IL1RAPL1: variants seen among roughly 807,000 people sequenced by gnomAD.
IL1RAPL1 encodes the protein interleukin 1 receptor accessory protein like 1.
A neutral mutation model predicts 48.4 loss-of-function variants in IL1RAPL1; 3 were observed. The ratio of observed to expected loss-of-function variants is 0.06; its 90% confidence interval spans 0.03 to 0.16. The LOEUF (loss-of-function observed/expected upper bound fraction) is 0.16. Ranked by LOEUF, IL1RAPL1 falls within the 10% of genes least tolerant of loss-of-function variation. The pLI is 1.00. For synonymous variants in IL1RAPL1, 185 were observed against 187.7 expected, an observed-to-expected ratio of 0.99 and a Z score of 0.12; for missense variants, 349 against 530.6, an observed-to-expected ratio of 0.66 and a Z score of 3.36.
At chrX:29,461,170 A>G (rs1934798065) in intron 5 of IL1RAPL1, among the ~76,000 whole-genome samples, 1 of 111,765 alleles carries the variant, frequency 8.9e-6, no homozygotes, top group South Asian at 3.7e-4. Flanking sequence ...CAACAAGCAC[A>G]TAAAAAGTTA....
chrX:29,333,845 G>A (rs1932927356), intron 3 of IL1RAPL1, among the ~76,000 whole-genome samples: 1 of 88,252 alleles, frequency 1.1e-5, no homozygotes, highest in Non-Finnish European at 2.3e-5. Flanking sequence ...GCCGGGCAGA[G>A]GGGCTCCTCA....
intron 2 of IL1RAPL1, among the ~76,000 whole-genome samples, chrX:29,177,392 G>C (rs1222607649): frequency 9.0e-6 from 1 of 111,432 alleles, no homozygotes; most frequent in Admixed American, 9.5e-5. Context: ...AAATTCGATT[G>C]CTGTCTCCAG....
chrX:29,654,052 G>T (rs1251419300), intron 5 of IL1RAPL1, among the ~76,000 whole-genome samples: 1 of 109,211 alleles, frequency 9.2e-6, no homozygotes, highest in Non-Finnish European at 1.9e-5. Flanking sequence ...ATTGAGGGAG[G>T]ATGAGAGGAA....
intron 5 of IL1RAPL1, among the ~76,000 whole-genome samples, chrX:29,464,774 T>TCA (rs1934843290): frequency 8.9e-6 from 1 of 112,139 alleles, no homozygotes; most frequent in South Asian, 3.7e-4. Context: ...ATATTGTCCT[T>TCA]TGTAGCAGCA....
Position 29,956,232 on chromosome X carries a change from G to A in IL1RAPL1, c.*412G>A. The A allele has an allele frequency of 6.9e-6, 1 of 145,125 alleles. No homozygotes were observed. The allele number at this position is 145,125 out of a possible 1,213,427, so 12.0% of individuals were successfully genotyped here. On this transcript the variant is annotated 3_prime_UTR_variant, in exon 11 of 11. Coordinates refer to ENST00000378993, the MANE Select transcript of IL1RAPL1 (RefSeq NM_014271.4). ...GGACAAATCTATCCGATGGGACAAG[G>A]AGCACCGGATTCTTTCTCGGGTTCT...
chrX:28,759,235 T>G (rs760168655), intron 1 of IL1RAPL1, among the ~76,000 whole-genome samples: 2 of 67,865 alleles, frequency 2.9e-5, no homozygotes, highest in African/African-American at 1.0e-4. Context: ...TGAAACTCCA[T>G]CTCAAAAAAA....
chrX:29,029,141 T>C (rs2147407787), intron 2 of IL1RAPL1, among the ~76,000 whole-genome samples: 1 of 111,073 alleles, frequency 9.0e-6, no homozygotes, highest in South Asian at 3.8e-4. Flanking sequence ...AGAACTCACT[T>C]ACTACTGCAA....
chrX:28,684,243 C>T (rs375596526), intron 1 of IL1RAPL1, among the ~76,000 whole-genome samples: 4 of 111,639 alleles, frequency 3.6e-5, no homozygotes, highest in African/African-American at 9.8e-5. Flanking sequence ...TCATTGTTGC[C>T]CTTTTCACAG....
At chrX:29,549,223 C>T (rs1460836586) in intron 5 of IL1RAPL1, among the ~76,000 whole-genome samples, 2 of 111,658 alleles carry the variant, frequency 1.8e-5, no homozygotes, top group Non-Finnish European at 3.8e-5. Context: ...TTGTGAGTAG[C>T]ATGATAAAAT....
At chrX:29,803,503 A>G (rs1386725463) in intron 6 of IL1RAPL1, among the ~76,000 whole-genome samples, 9 of 93,147 alleles carry the variant, frequency 9.7e-5, no homozygotes, top group African/African-American at 3.7e-4. Flanking sequence ...ATGTATACAT[A>G]TGTGTATATA....
At chrX:29,448,389 A>G (rs1315477816) in intron 5 of IL1RAPL1, among the ~76,000 whole-genome samples, 1 of 112,044 alleles carries the variant, frequency 8.9e-6, no homozygotes, top group African/African-American at 3.2e-5. Context: ...TTCCATGTCC[A>G]TATTACAGAG....
chrX:28,675,985 G>C (rs1029462431), intron 1 of IL1RAPL1, among the ~76,000 whole-genome samples: 1 of 111,325 alleles, frequency 9.0e-6, no homozygotes, highest in Non-Finnish European at 1.9e-5. Context: ...AGCTATCTTC[G>C]TGTCATGTCT....
In IL1RAPL1 at chrX:29,892,419, A is replaced by T. The variant is rs12008968; in HGVS notation, c.779-25045A>T. 2.9e-3 allele frequency among the ~76,000 whole-genome samples: 321 copies of T among 112,573 alleles called. 1 individual carries two copies. Among genetic ancestry groups the T allele is most frequent in the African/African-American group, 9.6e-3 (297 of 31,032 alleles). On this transcript the variant is annotated intron_variant, in intron 6 of 10. Coordinates refer to ENST00000378993, the MANE Select transcript of IL1RAPL1 (RefSeq NM_014271.4). ...GAGTCCTTGAAGCTAAAATAACAAGATATACAATTTACACATTTTTATTTA... is the reference window on the plus strand; with the variant it reads ...GAGTCCTTGAAGCTAAAATAACAAGTTATACAATTTACACATTTTTATTTA...
chrX:29,653,212 T>C (rs1400234199), intron 5 of IL1RAPL1, among the ~76,000 whole-genome samples: 1 of 112,366 alleles, frequency 8.9e-6, no homozygotes, highest in African/African-American at 3.2e-5. Flanking sequence ...TAACTCTTGT[T>C]AGTATGGACA....
intron 5 of IL1RAPL1, among the ~76,000 whole-genome samples, chrX:29,610,746 G>A (rs1304526841): frequency 1.8e-5 from 2 of 112,574 alleles, no homozygotes; most frequent in Non-Finnish European, 3.7e-5. Flanking sequence ...AACCCCTTAC[G>A]GGATGGGGAG....
rs1555983145 is a variant in IL1RAPL1, at chrX:29,263,869, C to CCT, written c.83-19068_83-19067insTC. On this transcript the variant is annotated intron_variant, in intron 2 of 10. Transcript: ENST00000378993. Reference sequence around the variant, plus strand: ...TCTTTCTCTCTCTCTCTCCCCCCCCCCCGCTCTCATAGAGCAATGTTAAAC... The same window carrying CCT: ...TCTTTCTCTCTCTCTCTCCCCCCCCCCTCCGCTCTCATAGAGCAATGTTAAAC... 3.3e-3 allele frequency among the ~76,000 whole-genome samples: 331 copies of CCT among 99,849 alleles called. 3 individuals carry two copies. The highest frequency in any genetic ancestry group is 0.012 in the African/African-American group (320 of 26,740). 86.7% of individuals were successfully genotyped at this position (99,849 alleles called of 115,157 possible).
At chrX:28,900,351 G>A (rs1049307031) in intron 2 of IL1RAPL1, among the ~76,000 whole-genome samples, 4 of 111,390 alleles carry the variant, frequency 3.6e-5, no homozygotes, top group East Asian at 2.8e-4. Context: ...ATTAAATTAC[G>A]GATAAAACAA....
intron 2 of IL1RAPL1, among the ~76,000 whole-genome samples, chrX:28,796,785 C>T (rs1378607543): frequency 9.0e-6 from 1 of 111,226 alleles, no homozygotes; most frequent in Non-Finnish European, 1.9e-5. Flanking sequence ...GGATGGTGGC[C>T]CCCTTCTTAC....
chrX:29,877,983 A>G (rs1288906887), intron 6 of IL1RAPL1, among the ~76,000 whole-genome samples: 1 of 112,032 alleles, frequency 8.9e-6, no homozygotes, highest in Admixed American at 9.5e-5. Flanking sequence ...TTACAAGAGT[A>G]TCTGGTACAC....
Sources: gnomAD v4.1 joint callset for allele counts (sites outside exome capture counted in the v4.1 genomes callset) on GRCh38, gnomAD v4.1.1 for gene constraint, MANE v1.5 for transcripts, NCBI Gene and HGNC (gene_info 2026-07-23, HGNC 2026-07-21) for gene names.